HEMK2: variants seen among roughly 807,000 people sequenced by gnomAD.
HEMK2 encodes the protein HemK methyltransferase 2, ETF1 glutamine and histone H4 lysine.
chr21:28,617,790 C>CT, the HEMK2 span, among the ~76,000 whole-genome samples: 19 of 147,946 alleles, frequency 1.3e-4, no homozygotes, highest in South Asian at 1.3e-3. Context: ...TCTTGACTGC[C>CT]TTTTTTTTTT....
chr21:28,613,932 C>T, the HEMK2 span, among the ~76,000 whole-genome samples: 6 of 42,326 alleles, frequency 1.4e-4, no homozygotes, highest in African/African-American at 5.9e-4. Flanking sequence ...GAAAAAGATA[C>T]CCATGACTTT....
At chr21:28,809,371 T>C in the HEMK2 span, among the ~76,000 whole-genome samples, 1 of 152,216 alleles carries the variant, frequency 6.6e-6, no homozygotes, top group Non-Finnish European at 1.5e-5. Flanking sequence ...TTGGATTTTA[T>C]GGTCTACTTA....
chr21:28,789,820 T>C, the HEMK2 span, among the ~76,000 whole-genome samples: 21 of 152,328 alleles, frequency 1.4e-4, no homozygotes, highest in African/African-American at 4.6e-4. Flanking sequence ...GGCTAGTAAC[T>C]GATAGCTCCT....
At chr21:28,765,717 T>C in the HEMK2 span, among the ~76,000 whole-genome samples, 3 of 152,026 alleles carry the variant, frequency 2.0e-5, no homozygotes, top group Non-Finnish European at 4.4e-5. Context: ...AGTCTTACTG[T>C]GCCCCTGTAG....
At chr21:28,767,956 CT>C in the HEMK2 span, among the ~76,000 whole-genome samples, 1 of 151,974 alleles carries the variant, frequency 6.6e-6, no homozygotes, top group Non-Finnish European at 1.5e-5. Context: ...AGCGACCCCC[CT>C]TTTTTTGTTT....
chr21:28,688,415 T>G, the HEMK2 span, among the ~76,000 whole-genome samples: 3 of 152,168 alleles, frequency 2.0e-5, no homozygotes, highest in Non-Finnish European at 4.4e-5. Context: ...TGCATTAACT[T>G]TTATCTTCAG....
At chr21:28,853,450 G>A in the HEMK2 span, among the ~76,000 whole-genome samples, 1 of 152,152 alleles carries the variant, frequency 6.6e-6, no homozygotes, top group Non-Finnish European at 1.5e-5. Context: ...CCATTCCCAT[G>A]ACTGTTGTTC....
the HEMK2 span, among the ~76,000 whole-genome samples, chr21:28,822,562 G>A: frequency 6.7e-6 from 1 of 150,118 alleles, no homozygotes; most frequent in Admixed American, 6.7e-5. Context: ...CCATAAAAGT[G>A]GCTACAATGC....
the HEMK2 span, among the ~76,000 whole-genome samples, chr21:28,813,937 T>C: frequency 1.4e-4 from 21 of 152,158 alleles, no homozygotes; most frequent in African/African-American, 5.1e-4. Context: ...CAAGATGGAT[T>C]AAAGACTTAA....
chr21:28,795,828 G>A, the HEMK2 span, among the ~76,000 whole-genome samples: 5 of 152,146 alleles, frequency 3.3e-5, no homozygotes, highest in Non-Finnish European at 7.4e-5. Context: ...TAATTATCAG[G>A]TATATGATAA....
the HEMK2 span, among the ~76,000 whole-genome samples, chr21:28,588,697 G>A: frequency 6.6e-6 from 1 of 152,182 alleles, no homozygotes; most frequent in Admixed American, 6.5e-5. Context: ...GGATCCGGGT[G>A]CGGTGGCTCA....
chr21:28,744,172 TAC>T, the HEMK2 span, among the ~76,000 whole-genome samples: 20 of 152,190 alleles, frequency 1.3e-4, no homozygotes, highest in East Asian at 3.9e-3. Context: ...AAATACTCTG[TAC>T]ACCAAACCCC....
chr21:28,699,788 G>A, the HEMK2 span, among the ~76,000 whole-genome samples: 1 of 152,212 alleles, frequency 6.6e-6, no homozygotes, highest in African/African-American at 2.4e-5. Flanking sequence ...TGTTAACACT[G>A]TGCAAGAACA....
the HEMK2 span, among the ~76,000 whole-genome samples, chr21:28,853,889 A>G: frequency 3.3e-5 from 5 of 152,142 alleles, no homozygotes; most frequent in East Asian, 1.9e-4. Context: ...TTCTTTTCCA[A>G]TCAAGGCCCT....
chr21:28,624,768 A>G, the HEMK2 span, among the ~76,000 whole-genome samples: 28 of 152,182 alleles, frequency 1.8e-4, no homozygotes, highest in African/African-American at 6.8e-4. Flanking sequence ...CCAAGGCAGA[A>G]AGCCAGATCA....
the HEMK2 span, among the ~76,000 whole-genome samples, chr21:28,639,240 A>G: frequency 1.3e-5 from 2 of 152,248 alleles, no homozygotes; most frequent in African/African-American, 2.4e-5. Context: ...GTTTGACCAA[A>G]AGAAAGATAG....
At chr21:28,642,844 T>C in the HEMK2 span, among the ~76,000 whole-genome samples, 2 of 152,202 alleles carry the variant, frequency 1.3e-5, no homozygotes, top group Non-Finnish European at 2.9e-5. Flanking sequence ...ACAAGCATCC[T>C]TCATGCTCAG....
chr21:28,736,464 T>G, the HEMK2 span, among the ~76,000 whole-genome samples: 1 of 152,206 alleles, frequency 6.6e-6, no homozygotes, highest in East Asian at 1.9e-4. Flanking sequence ...TATGTTAATA[T>G]TCTTTCAGTG....
At chr21:28,877,298 A>AAGGG in the HEMK2 span, among the ~76,000 whole-genome samples, 88 of 94,146 alleles carry the variant, frequency 9.3e-4, no homozygotes, top group African/African-American at 3.2e-3. Flanking sequence ...GGAAGGAAGG[A>AAGGG]AGAGAGAGAG....
Sources: gnomAD v4.1 joint callset for allele counts (sites outside exome capture counted in the v4.1 genomes callset) on GRCh38, gnomAD v4.1.1 for gene constraint, MANE v1.5 for transcripts, NCBI Gene and HGNC (gene_info 2026-07-23, HGNC 2026-07-21) for gene names.